Variants in APOL3 observed in about 807,000 individuals in gnomAD.
The protein encoded by APOL3 is apolipoprotein L3, also known as TNF-inducible protein CG12-1.
APOL3 carries 14 observed loss-of-function variants against 11.6 expected under a neutral mutation model. The ratio of observed to expected loss-of-function variants is 1.21; its 90% confidence interval spans 0.80 to 1.89. The LOEUF is 1.89. APOL3 is among the 40% of genes most tolerant of loss of function. The pLI is 0.00. For missense variants in APOL3, 483 were observed against 492.1 expected, an observed-to-expected ratio of 0.98 and a Z score of 0.17; for synonymous variants, 192 against 190.6, an observed-to-expected ratio of 1.01 and a Z score of -0.06.
chr22:36,162,489 T>C (rs1431636961), upstream of APOL3, among the ~76,000 whole-genome samples: 1 of 152,196 alleles, frequency 6.6e-6, no homozygotes, highest in African/African-American at 2.4e-5. Context: ...ATTTTAGTTA[T>C]ATAACCATAA....
chr22:36,140,975 C>T (rs572507634), exon 3 of APOL3: 9 of 599,622 alleles, frequency 1.5e-5, no homozygotes, highest in Non-Finnish European at 2.3e-5. Flanking sequence ...TCTCCAGTCC[C>T]CTCTCCTCCC....
chr22:36,149,827 G>T (rs1453648649), intron 1 of APOL3: 1 of 456,180 alleles, frequency 2.2e-6, no homozygotes, highest in Admixed American at 2.3e-5. Flanking sequence ...CTATGCCCAA[G>T]TGTCTGTCTT....
chr22:36,148,985 G>A (rs866132105), intron 1 of APOL3, 61 bp downstream of exon 2: 16 of 1,350,774 alleles, frequency 1.2e-5, no homozygotes, highest in Middle Eastern at 4.3e-4. Flanking sequence ...TTGTGGAAAC[G>A]CCACCCTCCA....
intron 2 of APOL3, among the ~76,000 whole-genome samples, chr22:36,144,341 C>G (rs1221519733): frequency 1.3e-5 from 2 of 152,172 alleles, no homozygotes; most frequent in East Asian, 3.9e-4. Flanking sequence ...CCTGAAACGT[C>G]TCTCTGGGTC....
At chr22:36,153,913 C>G (rs2012270289) in intron 1 of APOL3, among the ~76,000 whole-genome samples, 1 of 152,160 alleles carries the variant, frequency 6.6e-6, no homozygotes, top group South Asian at 2.1e-4. Flanking sequence ...CGGGACAACT[C>G]AAAGTGGGCG....
intron 2 of APOL3, among the ~76,000 whole-genome samples, chr22:36,143,416 A>G (rs565557839): frequency 3.3e-4 from 50 of 152,360 alleles, no homozygotes; most frequent in Admixed American, 5.2e-4. Flanking sequence ...TTTGTAGTGA[A>G]TTATCAAACC....
chr22:36,150,034 A>G (rs2060374284), intron 1 of APOL3: 6 of 387,618 alleles, frequency 1.5e-5, no homozygotes, highest in South Asian at 3.8e-5. Flanking sequence ...CTGGTCTCCA[A>G]CTCCTGGTTT....
intron 1 of APOL3, chr22:36,154,573 G>A (rs1336638569): frequency 1.1e-5 from 5 of 469,518 alleles, no homozygotes; most frequent in African/African-American, 6.0e-5. Flanking sequence ...TGAAGGAAGA[G>A]CTGCCACAGA....
At position 36,144,869 on chromosome 22, in the gene APOL3, G is replaced by A. The variant is rs538306825; in HGVS notation, c.350+604C>T. Among the ~76,000 whole-genome samples the A allele has an allele frequency of 2.0e-5, 3 of 151,870 alleles. No homozygotes were observed. In the East Asian group the frequency reaches 5.8e-4, roughly 29 times the overall value. On this transcript the variant is annotated intron_variant, in intron 2 of 2. Transcript: ENST00000349314. The stretch of plus-strand genomic sequence containing the variant: ...CTAAAAATACAAAAAAAAATAGCCG[G>A]ATGCGGTGGCCGGAGCCTGTAGTCC...
intron 1 of APOL3, among the ~76,000 whole-genome samples, chr22:36,150,418 G>T (rs759800084): frequency 1.3e-5 from 2 of 152,088 alleles, no homozygotes; most frequent in Non-Finnish European, 2.9e-5. Context: ...CCTATTAAGT[G>T]GGTACCATTT....
chr22:36,158,775 T>C (rs561315153), intron 1 of APOL3, among the ~76,000 whole-genome samples: 68 of 152,116 alleles, frequency 4.5e-4, no homozygotes, highest in African/African-American at 1.5e-3. Context: ...CCGATGGTGC[T>C]ACTTGCACTC....
intron 1 of APOL3, among the ~76,000 whole-genome samples, chr22:36,152,141 T>C (rs2011823220): frequency 6.6e-6 from 1 of 151,846 alleles, no homozygotes; most frequent in South Asian, 2.1e-4. Context: ...CAGTCCAGGA[T>C]AGAATAAGAA....
rs1238181860 is a variant in APOL3, at chr22:36,153,410, C to T, written c.223+7259G>A. ...GTCAGCTTCAGAGAAACCTCGGTGG[C>T]TGGGGTAACCAAGCTGCTAAGAAAA... On this transcript the variant is annotated intron_variant, in intron 1 of 2. Coordinates refer to ENST00000349314, the Ensembl canonical transcript of APOL3. 5 of 456,016 alleles carry T rather than the reference C, an allele frequency of 1.1e-5. No individual in the cohort carries two copies. In the Admixed American group the frequency reaches 1.2e-4, roughly 11 times the overall value. The allele number at this position is 456,016 out of a possible 1,614,324, so 28.2% of individuals were successfully genotyped here.
rs368117660 is a variant in APOL3 at position 36,144,836 on chromosome 22, C to T, written c.350+637G>A. 5.1e-4 allele frequency among the ~76,000 whole-genome samples: 78 copies of T among 151,780 alleles called. 1 individual carries two copies. Among genetic ancestry groups the T allele is most frequent in the Middle Eastern group, 3.4e-3 (1 of 292 alleles). Reference sequence around the variant, plus strand: ...CATCCTGGCTAACACGATGAAACCCCGTCTGTACTAAAAATACAAAAAAAA... The same window carrying T: ...CATCCTGGCTAACACGATGAAACCCTGTCTGTACTAAAAATACAAAAAAAA... On this transcript the variant is annotated intron_variant, in intron 2 of 2. Coordinates refer to ENST00000349314, the Ensembl canonical transcript of APOL3.
exon 3 of APOL3, chr22:36,141,358 G>C: frequency 6.2e-7 from 1 of 1,614,184 alleles, no homozygotes; most frequent in Non-Finnish European, 8.5e-7. Context: ...ACCACATCCA[G>C]TGCAAGGAAG....
chr22:36,141,529 C>A lies in APOL3; in HGVS notation c.880G>T (p.Glu294Ter), dbSNP rs1472025859. 6.2e-7 allele frequency: 1 copy of A among 1,614,074 alleles called. No individual in the cohort carries two copies. Among genetic ancestry groups the A allele is most frequent in the African/African-American group, 1.3e-5 (1 of 74,928 alleles). ...CTGGCTTGCCTGATGGCACGGATTT[C>A]ACTCCCAATGGTTTGTGTGGCTTCG... is the stretch of plus-strand genomic sequence containing the variant. Residue 294 changes from glutamate to a stop codon, truncating the protein, a stop_gained, in exon 3 of 3, where the codon GAA becomes TAA. Transcript: ENST00000349314. LOFTEE classifies it low-confidence loss of function (END_TRUNC).
At chr22:36,155,615 T>C (rs2012655244) in intron 1 of APOL3, 1 of 155,782 alleles carries the variant, frequency 6.4e-6, no homozygotes, top group East Asian at 1.9e-4. Flanking sequence ...TTGTTCAGTG[T>C]GTGACCCCCT....
exon 3 of APOL3, chr22:36,141,815 A>G (rs1383918210): frequency 6.2e-7 from 1 of 1,614,246 alleles, no homozygotes; most frequent in East Asian, 2.2e-5. Flanking sequence ...ACATGATGCC[A>G]GAGGCAGCGC....
At chr22:36,158,904 G>A (rs566265516) in intron 1 of APOL3, among the ~76,000 whole-genome samples, 9 of 152,098 alleles carry the variant, frequency 5.9e-5, no homozygotes, top group Admixed American at 1.3e-4. Flanking sequence ...TCGAGGCCAC[G>A]ACACAGAGGT....
Sources: allele counts gnomAD v4.1 joint callset (sites outside exome capture counted in the v4.1 genomes callset), GRCh38; gene constraint gnomAD v4.1.1; transcripts MANE v1.5; gene names NCBI Gene and HGNC (gene_info 2026-07-23, HGNC 2026-07-21).